The following HTR2C variants were observed in gnomAD, a reference collection of about 807,000 sequenced individuals.
HTR2C encodes 5-hydroxytryptamine (serotonin) receptor 2C, G protein-coupled.
In HTR2C, 5 loss-of-function variants were observed where a neutral mutation model predicts 21.0. That is an observed-to-expected ratio of 0.24 (90% CI 0.12 to 0.50). The LOEUF is 0.50. HTR2C is among the 20% of genes least tolerant of loss of function. The probability of loss-of-function intolerance (pLI) is 0.98; values close to 1 mark genes in which losing one functional copy is unlikely to be tolerated. For missense variants in HTR2C, 271 were observed against 371.2 expected, an observed-to-expected ratio of 0.73 and a Z score of 2.22; for synonymous variants, 150 against 145.3, an observed-to-expected ratio of 1.03 and a Z score of -0.23.
chrX:114,757,285 CTAAA>C (rs1198649721), intron 4 of HTR2C, among the ~76,000 whole-genome samples: 1 of 111,410 alleles, frequency 9.0e-6, no homozygotes, highest in African/African-American at 3.3e-5. Flanking sequence ...CCTATTTTCT[CTAAA>C]TAATAGTCCA....
In HTR2C at chrX:114,849,075, T is replaced by C. The variant is rs138412432; in HGVS notation, c.550+872T>C. Among the ~76,000 whole-genome samples the C allele has an allele frequency of 8.0e-3, 902 of 112,218 alleles. 9 individuals are homozygous for C. The highest frequency in any genetic ancestry group is 0.026 in the African/African-American group (819 of 30,942). On this transcript the variant is annotated intron_variant, in intron 5 of 5. Transcript: ENST00000276198. ...TTTGACTCTGGGTTTATTGATCAAA[T>C]ACATTTAAGTTTTAAGATTGTTCTA...
chrX:114,755,131 T>C (rs782058754), intron 4 of HTR2C, among the ~76,000 whole-genome samples: 51 of 109,265 alleles, frequency 4.7e-4, no homozygotes, highest in Non-Finnish European at 8.4e-4. Flanking sequence ...TCCCAGTTAC[T>C]TGGGAGGCTG....
At position 114,908,801 on chromosome X, in the gene HTR2C, G is replaced by T. The variant is rs782147043; in HGVS notation, c.*1386G>T. 1 of 112,809 alleles carries T rather than the reference G, an allele frequency of 8.9e-6. No individual in the cohort carries two copies. The highest frequency in any genetic ancestry group is 3.6e-4 in the South Asian group (1 of 2,767). The allele number at this position is 112,809 out of a possible 1,213,427, so 9.3% of individuals were successfully genotyped here. ...AGCATTTTAATAGTTTCTAAACCATGAAAAGTTTTCAAGCATTGCTAAAGT... is the reference window on the plus strand; with the variant it reads ...AGCATTTTAATAGTTTCTAAACCATTAAAAGTTTTCAAGCATTGCTAAAGT... On this transcript the variant is annotated 3_prime_UTR_variant, in exon 6 of 6. Transcript: ENST00000276198.
intron 5 of HTR2C, among the ~76,000 whole-genome samples, chrX:114,859,614 AT>A (rs1392617472): frequency 2.1e-4 from 23 of 109,066 alleles, no homozygotes; most frequent in Middle Eastern, 4.7e-3. Context: ...AGAGTTTATA[AT>A]TTTTTTTTAA....
intron 5 of HTR2C, among the ~76,000 whole-genome samples, chrX:114,882,154 T>C (rs1452136435): frequency 9.0e-6 from 1 of 110,913 alleles, no homozygotes; most frequent in African/African-American, 3.2e-5. Context: ...GGATTGTTCA[T>C]TGCAAGTGTA....
In HTR2C at chrX:114,860,528, C is replaced by A. The variant is rs149218880; in HGVS notation, c.550+12325C>A. The stretch of plus-strand genomic sequence containing the variant: ...ACTTATAAAGAGCATATAGTTATTT[C>A]TTAATATAATCTGAAAGTATTTCAT... On this transcript the variant is annotated intron_variant, in intron 5 of 5. Transcript: ENST00000276198. Among the ~76,000 whole-genome samples the A allele has an allele frequency of 2.7e-3, 298 of 110,759 alleles. 3 individuals are homozygous for A. Among genetic ancestry groups the A allele is most frequent in the African/African-American group, 9.4e-3 (287 of 30,675 alleles).
intron 5 of HTR2C, among the ~76,000 whole-genome samples, chrX:114,902,603 G>GTATT (rs201844012): frequency 0.02 from 2,154 of 110,196 alleles, 49 homozygotes; most frequent in East Asian, 0.095. Flanking sequence ...AAAATTTATT[G>GTATT]TATTTATTTA....
intron 4 of HTR2C, among the ~76,000 whole-genome samples, chrX:114,765,846 A>G (rs1474618378): frequency 9.0e-6 from 1 of 111,529 alleles, no homozygotes; most frequent in Non-Finnish European, 1.9e-5. Context: ...AGTTCAGTTC[A>G]GACTCTATTA....
chrX:114,889,190 A>G (rs1281494737), intron 5 of HTR2C, among the ~76,000 whole-genome samples: 2 of 112,133 alleles, frequency 1.8e-5, no homozygotes, highest in African/African-American at 6.5e-5. Context: ...TGCAGAGTGT[A>G]TATTCTTTAT....
chrX:114,724,328 C>A (rs1473101026), intron 2 of HTR2C, among the ~76,000 whole-genome samples: 20 of 98,085 alleles, frequency 2.0e-4, no homozygotes, highest in Non-Finnish European at 2.9e-4. Context: ...ATCAGAGACT[C>A]GGATTGCAAC....
At position 114,870,541 on chromosome X, in the gene HTR2C, T is replaced by C. The variant is rs181529192; in HGVS notation, c.550+22338T>C. Among the ~76,000 whole-genome samples, 234 of 111,645 alleles carry C rather than the reference T, an allele frequency of 2.1e-3. 1 individual carries two copies. Among genetic ancestry groups the C allele is most frequent in the African/African-American group, 7.3e-3 (223 of 30,741 alleles). On this transcript the variant is annotated intron_variant, in intron 5 of 5. Coordinates refer to ENST00000276198, the MANE Select transcript of HTR2C (RefSeq NM_000868.4). ...TTGGTAGAATTTATCTGTGAAGCCA[T>C]CAAGTCCTGGGGTTTTCTTTACTGG...
At chrX:114,685,755 G>T (rs1433572569) in intron 2 of HTR2C, among the ~76,000 whole-genome samples, 2 of 111,526 alleles carry the variant, frequency 1.8e-5, no homozygotes, top group African/African-American at 6.5e-5. Flanking sequence ...TAATCCAATT[G>T]TTCTATTTTG....
At chrX:114,806,743 TATATATACACC>T (rs1322085906) in intron 4 of HTR2C, among the ~76,000 whole-genome samples, 1 of 80,277 alleles carries the variant, frequency 1.2e-5, no homozygotes, top group Non-Finnish European at 2.4e-5. Context: ...ATACACACCA[TATATATACACC>T]ATATATATAC....
intron 1 of HTR2C, among the ~76,000 whole-genome samples, chrX:114,609,935 GT>G (rs1928650697): frequency 8.9e-6 from 1 of 111,747 alleles, no homozygotes; most frequent in South Asian, 3.7e-4. Flanking sequence ...ATTGTTTTAT[GT>G]TTTCATCACA....
chrX:114,611,776 C>A (rs782598768), intron 1 of HTR2C, among the ~76,000 whole-genome samples: 28 of 111,968 alleles, frequency 2.5e-4, no homozygotes, highest in African/African-American at 9.1e-4. Flanking sequence ...CGGCTCACTG[C>A]AAACTCCGCC....
intron 4 of HTR2C, among the ~76,000 whole-genome samples, chrX:114,817,042 G>T (rs2070591746): frequency 9.0e-6 from 1 of 110,983 alleles, no homozygotes; most frequent in Admixed American, 9.7e-5. Flanking sequence ...ATGTGAAGTG[G>T]ATTGGGATTA....
chrX:114,624,564 A>C (rs781921869), intron 2 of HTR2C, among the ~76,000 whole-genome samples: 4 of 112,277 alleles, frequency 3.6e-5, no homozygotes, highest in Non-Finnish European at 5.6e-5. Context: ...TCTTCATTTA[A>C]AATTCATTTT....
chrX:114,815,246 G>A (rs1330134177), intron 4 of HTR2C, among the ~76,000 whole-genome samples: 2 of 110,150 alleles, frequency 1.8e-5, no homozygotes, highest in Non-Finnish European at 3.8e-5. Flanking sequence ...TAGAAGGGCT[G>A]AAGTGTTATT....
At chrX:114,871,807 GTTT>G (rs35528456) in intron 5 of HTR2C, among the ~76,000 whole-genome samples, 59 of 97,429 alleles carry the variant, frequency 6.1e-4, no homozygotes, top group Admixed American at 6.7e-4. Flanking sequence ...TTAGTGGAAA[GTTT>G]TTTTTTTTTT....
Sources: gnomAD v4.1 joint callset for allele counts (sites outside exome capture counted in the v4.1 genomes callset) on GRCh38, gnomAD v4.1.1 for gene constraint, MANE v1.5 for transcripts, NCBI Gene and HGNC (gene_info 2026-07-23, HGNC 2026-07-21) for gene names.